CTNND2: variants seen among roughly 807,000 people sequenced by gnomAD.
CTNND2 encodes catenin delta-2.
CTNND2 carries 22 observed loss-of-function variants against 144.4 expected under a neutral mutation model. That is an observed-to-expected ratio of 0.15 (90% CI 0.11 to 0.22). CTNND2 has a LOEUF of 0.22. Ranked by LOEUF, CTNND2 falls within the 10% of genes least tolerant of loss-of-function variation. The pLI is 1.00. For synonymous variants in CTNND2, 751 were observed against 695.6 expected (o/e 1.08, Z -1.25); for missense variants, 1,353 against 1,618.8 (o/e 0.84, Z 2.82).
At chr5:11,784,400 G>T (rs979068170) in intron 1 of CTNND2, among the ~76,000 whole-genome samples, 1 of 152,174 alleles carries the variant, frequency 6.6e-6, no homozygotes. Context: ...ATTTTAGGAG[G>T]TTTTTCTTGG....
intron 12 of CTNND2, among the ~76,000 whole-genome samples, chr5:11,149,908 T>A (rs1475670402): frequency 6.6e-6 from 1 of 152,198 alleles, no homozygotes; most frequent in Non-Finnish European, 1.5e-5. Context: ...GAAAATTTTG[T>A]AGTGGGTACT....
intron 10 of CTNND2, among the ~76,000 whole-genome samples, chr5:11,226,015 C>A (rs185267371): frequency 6.6e-6 from 1 of 152,168 alleles, no homozygotes; most frequent in Non-Finnish European, 1.5e-5. Context: ...TGAGTACTGG[C>A]GGCCACCAGC....
In CTNND2 at chr5:11,470,872, A is replaced by C. The variant is rs564517379; in HGVS notation, c.288-58803T>G. ...ACCACAGAAGTGAAATCACATTTTC[A>C]TCACAATATGGGCAGAGCTGGGTTT... On this transcript the variant is annotated intron_variant, in intron 3 of 21. Transcript: ENST00000304623. Among the ~76,000 whole-genome samples, 53 of 150,410 alleles carry C rather than the reference A, an allele frequency of 3.5e-4. No individual in the cohort carries two copies. In the South Asian group the frequency reaches 9.1e-3, roughly 26 times the overall value.
intron 18 of CTNND2, among the ~76,000 whole-genome samples, chr5:11,003,700 T>A (rs940967996): frequency 1.2e-4 from 19 of 152,224 alleles, no homozygotes; most frequent in African/African-American, 4.6e-4. Context: ...AACTGTTTGT[T>A]AAAGATTCAT....
intron 9 of CTNND2, among the ~76,000 whole-genome samples, chr5:11,274,253 CAT>C (rs773824693): frequency 2.6e-5 from 4 of 152,194 alleles, no homozygotes; most frequent in Admixed American, 6.5e-5. Context: ...CTTTTCATGA[CAT>C]GTGTTCATCA....
intron 10 of CTNND2, among the ~76,000 whole-genome samples, chr5:11,214,804 C>T (rs569213877): frequency 4.2e-4 from 64 of 152,262 alleles, no homozygotes; most frequent in Non-Finnish European, 7.5e-4. Context: ...TGCAGAGTAG[C>T]TTCTCTTCCA....
intron 16 of CTNND2, among the ~76,000 whole-genome samples, chr5:11,029,438 G>A (rs376053759): frequency 1.1e-4 from 17 of 151,572 alleles, no homozygotes; most frequent in East Asian, 3.9e-4. Context: ...ATTTTCTTTC[G>A]TCTATATAGT....
At position 11,170,579 on chromosome 5, in the gene CTNND2, T is replaced by TACAC. The variant is rs201527586; in HGVS notation, c.1976-10824_1976-10821dup. ...CTACTAAAACACACATACACACACA[T>TACAC]ACACACACACATACACACACACACA... On this transcript the variant is annotated intron_variant, in intron 11 of 21. Coordinates refer to ENST00000304623, the MANE Select transcript of CTNND2 (RefSeq NM_001332.4). Among the ~76,000 whole-genome samples the TACAC allele has an allele frequency of 3.0e-4, 46 of 151,364 alleles. 1 individual carries two copies. The highest frequency in any genetic ancestry group is 9.5e-4 in the African/African-American group (39 of 41,154).
At chr5:11,279,656 T>C (rs891828089) in intron 9 of CTNND2, among the ~76,000 whole-genome samples, 2 of 152,200 alleles carry the variant, frequency 1.3e-5, no homozygotes, top group African/African-American at 4.8e-5. Flanking sequence ...TACCTGAGAC[T>C]GGGTAATTTA....
At chr5:11,838,606 T>A (rs1228044085) in intron 1 of CTNND2, among the ~76,000 whole-genome samples, 2 of 152,212 alleles carry the variant, frequency 1.3e-5, no homozygotes, top group Non-Finnish European at 2.9e-5. Flanking sequence ...CATTTTAGAA[T>A]GAAGGTCAGG....
intron 10 of CTNND2, among the ~76,000 whole-genome samples, chr5:11,223,631 A>C (rs1740026320): frequency 6.6e-6 from 1 of 152,106 alleles, no homozygotes; most frequent in Non-Finnish European, 1.5e-5. Context: ...TATCTACTGA[A>C]GTCTCTACTC....
At chr5:11,759,060 T>C (rs180798957) in intron 1 of CTNND2, among the ~76,000 whole-genome samples, 75 of 152,194 alleles carry the variant, frequency 4.9e-4, no homozygotes, top group African/African-American at 1.7e-3. Flanking sequence ...TTTGACTTTA[T>C]GTAAAAAAAC....
At chr5:11,513,213 T>C (rs1273970753) in intron 3 of CTNND2, among the ~76,000 whole-genome samples, 1 of 152,122 alleles carries the variant, frequency 6.6e-6, no homozygotes, top group Admixed American at 6.5e-5. Context: ...ATGCATCCCT[T>C]CCATGAGCTG....
chr5:11,052,879 A>G (rs985183909), intron 16 of CTNND2, among the ~76,000 whole-genome samples: 1 of 152,094 alleles, frequency 6.6e-6, no homozygotes, highest in South Asian at 2.1e-4. Context: ...TCGGGTTTGT[A>G]TATTTTCATT....
In CTNND2 at chr5:11,427,436, C is replaced by A. The variant is rs1201370067; in HGVS notation, c.288-15367G>T. Among the ~76,000 whole-genome samples the A allele has an allele frequency of 2.6e-5, 4 of 151,954 alleles. No individual in the cohort carries two copies. The South Asian group carries it at 6.3e-4, about 24-fold the overall frequency. On this transcript the variant is annotated intron_variant, in intron 3 of 21. Coordinates refer to ENST00000304623, the MANE Select transcript of CTNND2 (RefSeq NM_001332.4). ...GGGACTACAGGCGTGCACTGCCATG[C>A]CCGGCTAATTTTTTTGTATTTTTAT...
intron 3 of CTNND2, among the ~76,000 whole-genome samples, chr5:11,455,655 G>A (rs760229353): frequency 6.6e-6 from 1 of 152,148 alleles, no homozygotes; most frequent in Non-Finnish European, 1.5e-5. Context: ...AGTTGTTGAG[G>A]TGTTGGTTTA....
intron 9 of CTNND2, among the ~76,000 whole-genome samples, chr5:11,275,032 G>C (rs1746387297): frequency 6.6e-6 from 1 of 152,128 alleles, no homozygotes; most frequent in African/African-American, 2.4e-5. Context: ...TAGGAAGCTG[G>C]AGGAGATGAT....
intron 1 of CTNND2, among the ~76,000 whole-genome samples, chr5:11,879,261 T>C (rs989023891): frequency 1.3e-5 from 2 of 150,382 alleles, no homozygotes; most frequent in Admixed American, 6.7e-5. Flanking sequence ...TTGTCAAGTG[T>C]TTCTGGATAT....
At chr5:11,787,381 G>A (rs1409638538) in intron 1 of CTNND2, among the ~76,000 whole-genome samples, 1 of 152,130 alleles carries the variant, frequency 6.6e-6, no homozygotes, top group South Asian at 2.1e-4. Context: ...ACTAATAACT[G>A]TAATGCATGA....
Sources: allele counts gnomAD v4.1 joint callset (sites outside exome capture counted in the v4.1 genomes callset), GRCh38; gene constraint gnomAD v4.1.1; transcripts MANE v1.5; gene names NCBI Gene and HGNC (gene_info 2026-07-23, HGNC 2026-07-21).